Variants in CACNB2 observed in about 807,000 individuals in gnomAD.
CACNB2 encodes the protein calcium voltage-gated channel auxiliary subunit beta 2.
In CACNB2, 42 loss-of-function variants were observed where a neutral mutation model predicts 73.3. That is an observed-to-expected ratio of 0.57 (90% CI 0.45 to 0.74). CACNB2 has a LOEUF of 0.74. Among genes scored for constraint, CACNB2 ranks in the 30% least tolerant of loss-of-function variants. The pLI is 0.00. For synonymous variants in CACNB2, 348 were observed against 310.3 expected (o/e 1.12, Z -1.28); for missense variants, 940 against 853.0 (o/e 1.10, Z -1.27).
chr10:18,241,966 A>G (rs2036668462), intron 2 of CACNB2, among the ~76,000 whole-genome samples: 5 of 152,036 alleles, frequency 3.3e-5, no homozygotes. Flanking sequence ...AACAATAACT[A>G]TTCAATTACG....
chr10:18,330,176 A>C (rs1293445695), intron 2 of CACNB2, among the ~76,000 whole-genome samples: 2 of 152,344 alleles, frequency 1.3e-5, no homozygotes, highest in South Asian at 4.1e-4. Context: ...ATTTATAAAG[A>C]TAACACAAAG....
At chr10:18,474,943 C>T (rs12766343) in intron 3 of CACNB2, among the ~76,000 whole-genome samples, 18,283 of 151,514 alleles carry the variant, frequency 0.12, 1,247 homozygotes, top group Admixed American at 0.17. Context: ...GATGAGTCTC[C>T]AGGTTATCCT....
chr10:18,315,620 G>A (rs1290467742), intron 2 of CACNB2, among the ~76,000 whole-genome samples: 1 of 148,484 alleles, frequency 6.7e-6, no homozygotes, highest in Admixed American at 6.9e-5. Flanking sequence ...CTTGAGCACA[G>A]AGGTTCAAGG....
At chr10:18,373,911 A>C (rs1189044752) in intron 2 of CACNB2, among the ~76,000 whole-genome samples, 1 of 152,220 alleles carries the variant, frequency 6.6e-6, no homozygotes, top group Non-Finnish European at 1.5e-5. Flanking sequence ...AAAACAGAGA[A>C]TACAGTGTGG....
chr10:18,161,972 ATGAAT>A (rs1401270030), intron 2 of CACNB2, among the ~76,000 whole-genome samples: 1 of 152,184 alleles, frequency 6.6e-6, no homozygotes, highest in East Asian at 1.9e-4. Flanking sequence ...AATACAATAG[ATGAAT>A]TGTATTAATT....
At chr10:18,497,026 C>T (rs2049873551) in intron 3 of CACNB2, among the ~76,000 whole-genome samples, 2 of 149,018 alleles carry the variant, frequency 1.3e-5, no homozygotes, top group African/African-American at 4.9e-5. Flanking sequence ...GCTTGGCCAA[C>T]ACAGTGAAAC....
At chr10:18,312,435 G>T (rs1298570092) in intron 2 of CACNB2, among the ~76,000 whole-genome samples, 4 of 152,096 alleles carry the variant, frequency 2.6e-5, no homozygotes, top group Non-Finnish European at 5.9e-5. Context: ...GCCCACAAAG[G>T]AATAATTTAT....
At chr10:18,532,676 C>CAAAAAAAAAAAAAAAAAAAAAAAAAA (rs1219587375) in intron 10 of CACNB2, among the ~76,000 whole-genome samples, 8 of 92,556 alleles carry the variant, frequency 8.6e-5, no homozygotes, top group African/African-American at 2.1e-4. Flanking sequence ...GACTCTGTCT[C>CAAAAAAAAAAAAAAAAAAAAAAAAAA]AAAAAAAAAA....
intron 2 of CACNB2, among the ~76,000 whole-genome samples, chr10:18,243,056 T>A (rs553375451): frequency 6.6e-6 from 1 of 151,044 alleles, no homozygotes; most frequent in Non-Finnish European, 1.5e-5. Context: ...CTTGAACATA[T>A]ATTGAGATAA....
At chr10:18,171,521 GAAAAAAAAAAAAAAAA>G in intron 2 of CACNB2, among the ~76,000 whole-genome samples, 1 of 32,604 alleles carries the variant, frequency 3.1e-5, no homozygotes, top group African/African-American at 1.0e-4. Flanking sequence ...TTTGATAGCA[GAAAAAAAAAAAAAAAA>G]AAAAAAAAAA....
At chr10:18,424,572 A>T (rs2045501577) in intron 3 of CACNB2, among the ~76,000 whole-genome samples, 1 of 151,904 alleles carries the variant, frequency 6.6e-6, no homozygotes, top group Admixed American at 6.6e-5. Context: ...CCCACCTCCT[A>T]CCTCAACCCC....
At chr10:18,214,429 C>T (rs1364261797) in intron 2 of CACNB2, among the ~76,000 whole-genome samples, 1 of 73,192 alleles carries the variant, frequency 1.4e-5, no homozygotes, top group African/African-American at 3.2e-5. Flanking sequence ...AGTTCGAGAC[C>T]AGCCTGGCCA....
At chr10:18,460,170 G>A (rs373197617) in intron 3 of CACNB2, among the ~76,000 whole-genome samples, 3 of 152,160 alleles carry the variant, frequency 2.0e-5, no homozygotes, top group African/African-American at 7.2e-5. Flanking sequence ...TAAAAGAAAG[G>A]CCTGGGAGAG....
chr10:18,207,240 C>T (rs1436773146), intron 2 of CACNB2, among the ~76,000 whole-genome samples: 3 of 152,132 alleles, frequency 2.0e-5, no homozygotes, highest in African/African-American at 7.2e-5. Context: ...AACTCTTGAC[C>T]TCAGGTGATC....
At chr10:18,340,857 A>T in intron 2 of CACNB2, 1 of 1,613,898 alleles carries the variant, frequency 6.2e-7, no homozygotes, top group Admixed American at 1.7e-5. Flanking sequence ...CCTTTTAGCT[A>T]GTCCTGAATT....
Position 18,438,962 on chromosome 10 carries a change from G to A in CACNB2, c.333+36919G>A, listed in dbSNP as rs574567368. On this transcript the variant is annotated intron_variant, in intron 3 of 13. Coordinates refer to ENST00000324631, the MANE Select transcript of CACNB2 (RefSeq NM_201596.3). ...CTGGCAGGGCACGGAATAGAATGGC[G>A]TAGGCCAGCACGTGAATTGGTGGTA... Among the ~76,000 whole-genome samples, 6 of 152,376 alleles carry A rather than the reference G, an allele frequency of 3.9e-5. No individual in the cohort carries two copies. The South Asian group carries it at 6.2e-4, about 16-fold the overall frequency.
At chr10:18,323,825 A>T (rs1589041961) in intron 2 of CACNB2, among the ~76,000 whole-genome samples, 1 of 152,336 alleles carries the variant, frequency 6.6e-6, no homozygotes, top group South Asian at 2.1e-4. Flanking sequence ...TCCAGAAAAT[A>T]AGTAGTGAGC....
Position 18,332,695 on chromosome 10 carries a change from G to A in CACNB2, c.214-69229G>A, listed in dbSNP as rs143707261. Among the ~76,000 whole-genome samples the A allele has an allele frequency of 2.6e-3, 397 of 152,206 alleles. 3 individuals carry two copies. The highest frequency in any genetic ancestry group is 9.2e-3 in the African/African-American group (381 of 41,530). ...TAAAAAACACAGTGGGACAAAAATAGCACTTTATGTAACCTCCCTAGTCCC... is the reference window on the plus strand; with the variant it reads ...TAAAAAACACAGTGGGACAAAAATAACACTTTATGTAACCTCCCTAGTCCC... On this transcript the variant is annotated intron_variant, in intron 2 of 13. Transcript: ENST00000324631.
chr10:18,195,174 TTA>T (rs1391482374), intron 2 of CACNB2, among the ~76,000 whole-genome samples: 9 of 152,180 alleles, frequency 5.9e-5, no homozygotes, highest in Non-Finnish European at 8.8e-5. Flanking sequence ...TCCAGCTATT[TTA>T]GGCAGTCATT....
Sources: allele counts gnomAD v4.1 joint callset (sites outside exome capture counted in the v4.1 genomes callset), GRCh38; gene constraint gnomAD v4.1.1; transcripts MANE v1.5; gene names NCBI Gene and HGNC (gene_info 2026-07-23, HGNC 2026-07-21).